The following POC5 variants were observed in gnomAD, a reference collection of about 807,000 sequenced individuals.
POC5 encodes centrosomal protein POC5.
In POC5, 48 loss-of-function variants were observed where a neutral mutation model predicts 62.9. The observed-to-expected ratio is 0.76, with a 90% CI of 0.61 to 0.97. The LOEUF (loss-of-function observed/expected upper bound fraction) is 0.97, where lower values mean the gene tolerates loss of function less well. Among genes scored for constraint, POC5 ranks in the 50% least tolerant of loss-of-function variants. The pLI, the probability that POC5 is intolerant of heterozygous loss-of-function variation, is 0.00. For synonymous variants in POC5, 236 were observed against 228.2 expected (o/e 1.03, Z -0.31); for missense variants, 696 against 679.5 (o/e 1.02, Z -0.27).
At chr5:75,695,860 G>A (rs569754406) in intron 5 of POC5, among the ~76,000 whole-genome samples, 33 of 152,242 alleles carry the variant, frequency 2.2e-4, no homozygotes, top group East Asian at 3.9e-4. Context: ...TGCATGCACC[G>A]TGCGCGAGGT....
chr5:75,687,351 T>C (rs1480966590), intron 9 of POC5, among the ~76,000 whole-genome samples: 1 of 151,906 alleles, frequency 6.6e-6, no homozygotes, highest in Non-Finnish European at 1.5e-5. Flanking sequence ...GTTGTTTTAA[T>C]AGAAGGGGGC....
At chr5:75,685,545 A>C (rs2112099784) in intron 9 of POC5, 61 bp from the exon 10 acceptor site, 1 of 1,495,536 alleles carries the variant, frequency 6.7e-7, no homozygotes. Context: ...ATTATCTTCC[A>C]AACAATGAAA....
chr5:75,677,785 G>C lies in POC5; in HGVS notation c.1573C>G (p.Pro525Ala). 6.2e-7 allele frequency: 1 copy of C among 1,606,572 alleles called. No individual in the cohort carries two copies. Among genetic ancestry groups the C allele is most frequent in the Non-Finnish European group, 8.5e-7 (1 of 1,176,512 alleles). Residue 525 changes from proline (P) to alanine (A), a missense_variant, in exon 11 of 12, where the codon CCA (proline) becomes GCA (alanine). By Grantham distance (27) the Pro-to-Ala change is conservative. Coordinates refer to ENST00000428202, the MANE Select transcript of POC5 (RefSeq NM_001099271.2). ...AAATGTGGACTCACCACTGTGACTG[G>C]ATGATGTTTTTCCACAACAACTGAG... ...MSSVVVEKHH[P>A]VTVQTIPQAT...
intron 3 of POC5, among the ~76,000 whole-genome samples, chr5:75,706,717 C>T (rs1199904459): frequency 6.6e-6 from 1 of 151,970 alleles, no homozygotes; most frequent in African/African-American, 2.4e-5. Context: ...GCTGCTCTGC[C>T]CGGCTAATTT....
chr5:75,700,934 G>T (rs2112168004), intron 5 of POC5, among the ~76,000 whole-genome samples: 1 of 135,458 alleles, frequency 7.4e-6, no homozygotes, highest in African/African-American at 2.6e-5. Context: ...CTTCTCAAAA[G>T]AAGACATTTA....
At chr5:75,674,619 AT>A (rs763001204) in intron 11 of POC5, 41 bp from the exon 12 acceptor site, 1 of 1,578,238 alleles carries the variant, frequency 6.3e-7, no homozygotes, top group South Asian at 1.1e-5. Flanking sequence ...TCCCAAGATT[AT>A]GTATACTATG....
chr5:75,678,438 G>A (rs886131263), intron 10 of POC5, among the ~76,000 whole-genome samples: 2 of 151,884 alleles, frequency 1.3e-5, no homozygotes, highest in Admixed American at 6.6e-5. Flanking sequence ...GATCTCCCTC[G>A]TGCCACCCTT....
At chr5:75,708,014 C>A in intron 2 of POC5, 139 bp from the exon 3 acceptor site, 1 of 774,626 alleles carries the variant, frequency 1.3e-6, no homozygotes, top group Non-Finnish European at 2.0e-6. Flanking sequence ...CCACTTATTC[C>A]AAGCTTGAGT....
At chr5:75,695,866 G>A (rs542566416) in intron 5 of POC5, among the ~76,000 whole-genome samples, 2 of 152,142 alleles carry the variant, frequency 1.3e-5, no homozygotes, top group Admixed American at 6.5e-5. Context: ...CACCGTGCGC[G>A]AGGTGAAGCA....
intron 1 of POC5, among the ~76,000 whole-genome samples, chr5:75,716,761 G>A (rs1333796855): frequency 1.3e-5 from 2 of 152,152 alleles, no homozygotes; most frequent in African/African-American, 2.4e-5. Context: ...TAATTATCTG[G>A]CTGACAGCAA....
intron 10 of POC5, among the ~76,000 whole-genome samples, chr5:75,682,693 T>G (rs1775915108): frequency 6.6e-6 from 1 of 151,870 alleles, no homozygotes; most frequent in Non-Finnish European, 1.5e-5. Flanking sequence ...TTTTTTTGTA[T>G]TTTTGTAGAG....
Position 75,717,398 on chromosome 5 carries a change from C to G in POC5, c.-107G>C, listed in dbSNP as rs1003189588. ...TCAGCAAGTGCAGCCTCAGCAAGCA[C>G]AACCGCTACCTAGACGGCAACCTGA... On this transcript the variant is annotated 5_prime_UTR_variant, in exon 1 of 12. Coordinates refer to ENST00000428202, the MANE Select transcript of POC5 (RefSeq NM_001099271.2). 4 of 152,272 alleles carry G rather than the reference C, an allele frequency of 2.6e-5. No individual in the cohort carries two copies. The highest frequency in any genetic ancestry group is 6.5e-5 in the Admixed American group (1 of 15,290). The allele number at this position is 152,272 out of a possible 1,614,324, so 9.4% of individuals were successfully genotyped here.
In POC5 at chr5:75,692,512, A is replaced by C. The variant is rs1776386157; in HGVS notation, c.691-12T>G. ...AAGCTAGAAATCACCTGTAAACAGC[A>C]ATTAACCCAATTATTGTGATATTAA... On this transcript the variant is annotated splice_polypyrimidine_tract_variant and intron_variant, in intron 6 of 11. Coordinates refer to ENST00000428202, the MANE Select transcript of POC5 (RefSeq NM_001099271.2). The C allele has an allele frequency of 6.5e-7, 1 of 1,528,330 alleles. No homozygotes were observed. Among genetic ancestry groups the C allele is most frequent in the African/African-American group, 1.4e-5 (1 of 71,694 alleles). The allele number at this position is 1,528,330 out of a possible 1,614,324, so 94.7% of individuals were successfully genotyped here. A position where few individuals can be genotyped will look rare whatever the true frequency, so the allele number is the denominator to read the frequency against.
intron 5 of POC5, among the ~76,000 whole-genome samples, chr5:75,698,739 G>A (rs1241045102): frequency 6.6e-6 from 1 of 151,892 alleles, no homozygotes; most frequent in Non-Finnish European, 1.5e-5. Context: ...GAAGGAAATA[G>A]AGACACAAAA....
chr5:75,700,976 C>T (rs1396726229), intron 5 of POC5, among the ~76,000 whole-genome samples: 16 of 125,330 alleles, frequency 1.3e-4, no homozygotes, highest in East Asian at 2.2e-4. Context: ...AAAATGCTCA[C>T]CATCACTGGC....
At chr5:75,714,154 T>C (rs952247033) in intron 1 of POC5, among the ~76,000 whole-genome samples, 4 of 152,132 alleles carry the variant, frequency 2.6e-5, no homozygotes, top group Non-Finnish European at 5.9e-5. Context: ...CTGAGGTAGG[T>C]GGATCACCTG....
intron 2 of POC5, among the ~76,000 whole-genome samples, chr5:75,708,251 G>C (rs1777204600): frequency 6.6e-6 from 1 of 152,130 alleles, no homozygotes. Flanking sequence ...GGAGGCTGAG[G>C]CAGGAGGACC....
intron 2 of POC5, chr5:75,709,719 A>G (rs1214824366): frequency 6.6e-6 from 1 of 152,246 alleles, no homozygotes; most frequent in Non-Finnish European, 1.5e-5. Flanking sequence ...TCAAAAAGAA[A>G]TTCCCAAAGA....
intron 5 of POC5, among the ~76,000 whole-genome samples, chr5:75,698,270 T>C (rs372485888): frequency 0.048 from 6,993 of 144,186 alleles, 151 homozygotes; most frequent in South Asian, 0.075. Flanking sequence ...TATACATTTT[T>C]TTCAGCACCA....
Sources: gnomAD v4.1 joint callset for allele counts (sites outside exome capture counted in the v4.1 genomes callset) on GRCh38, gnomAD v4.1.1 for gene constraint, MANE v1.5 for transcripts, NCBI Gene and HGNC (gene_info 2026-07-23, HGNC 2026-07-21) for gene names.